The following PARP8 variants were observed in gnomAD, a reference collection of about 807,000 sequenced individuals.
The protein encoded by PARP8 is protein mono-ADP-ribosyltransferase PARP8.
In PARP8, 51 loss-of-function variants were observed where a neutral mutation model predicts 124.1. The ratio of observed to expected loss-of-function variants is 0.41; its 90% CI spans 0.33 to 0.52. The LOEUF (loss-of-function observed/expected upper bound fraction) is 0.52, where lower values mean the gene tolerates loss of function less well. Ranked by LOEUF, PARP8 falls within the 20% of genes least tolerant of loss-of-function variation. PARP8 has a pLI of 0.21. For synonymous variants in PARP8, 391 were observed against 361.5 expected (o/e 1.08, Z -0.93); for missense variants, 860 against 1,018.9 (o/e 0.84, Z 2.12).
At chr5:50,673,355 A>G (rs569470703) in intron 2 of PARP8, among the ~76,000 whole-genome samples, 41 of 152,314 alleles carry the variant, frequency 2.7e-4, no homozygotes, top group African/African-American at 9.4e-4. Flanking sequence ...AACTTTATTG[A>G]GTTTTTTTGT....
intron 2 of PARP8, among the ~76,000 whole-genome samples, chr5:50,701,440 TCAAA>T (rs1753582303): frequency 6.6e-6 from 1 of 152,138 alleles, no homozygotes; most frequent in Admixed American, 6.5e-5. Flanking sequence ...TTTTAATTCT[TCAAA>T]CAAAAAGAAA....
At chr5:50,778,479 A>C (rs1740286627) in intron 8 of PARP8, 81 bp from the exon 9 acceptor site, 1 of 1,247,200 alleles carries the variant, frequency 8.0e-7, no homozygotes, top group East Asian at 2.4e-5. Flanking sequence ...TGCGAACACA[A>C]GTTTTAAAAG....
At chr5:50,817,456 C>T (rs1236588535) in intron 15 of PARP8, among the ~76,000 whole-genome samples, 2 of 152,128 alleles carry the variant, frequency 1.3e-5, no homozygotes, top group African/African-American at 4.8e-5. Context: ...AAGAAACCAC[C>T]TCAGGATCTC....
At chr5:50,691,091 G>C (rs1429922370) in intron 2 of PARP8, among the ~76,000 whole-genome samples, 1 of 152,176 alleles carries the variant, frequency 6.6e-6, no homozygotes, top group Non-Finnish European at 1.5e-5. Flanking sequence ...TCTGGCTGAG[G>C]CCTGATACCG....
chr5:50,728,495 A>G (rs896443985), intron 2 of PARP8, among the ~76,000 whole-genome samples: 2 of 152,002 alleles, frequency 1.3e-5, no homozygotes, highest in African/African-American at 4.8e-5. Context: ...CAATCTGTCT[A>G]TTGTTATGGT....
At position 50,762,014 on chromosome 5, in the gene PARP8, C is replaced by G. The variant is rs866420755; in HGVS notation, c.423+116C>G. On this transcript the variant is annotated intron_variant, in intron 6 of 25. Coordinates refer to ENST00000281631, the MANE Select transcript of PARP8 (RefSeq NM_024615.4). The stretch of plus-strand genomic sequence containing the variant: ...CTGTGTGTTGTTCAGGGTTCTGTAA[C>G]TAACTAGAAAATCTATATAATTTAT... 14 of 511,722 alleles carry G rather than the reference C, an allele frequency of 2.7e-5. No homozygotes were observed. The Middle Eastern group carries it at 4.1e-3, about 149-fold the overall frequency. The allele number at this position is 511,722 out of a possible 1,614,324, so 31.7% of individuals were successfully genotyped here.
At chr5:50,796,806 A>G (rs1282750738) in intron 12 of PARP8, among the ~76,000 whole-genome samples, 176 bp from the exon 13 acceptor site, 1 of 152,174 alleles carries the variant, frequency 6.6e-6, no homozygotes, top group Non-Finnish European at 1.5e-5. Flanking sequence ...TAGAAAGGGT[A>G]TTTATAATAG....
chr5:50,794,234 G>T lies in PARP8; in HGVS notation c.765G>T (p.Gln255His), dbSNP rs201728056. The T allele has an allele frequency of 1.2e-6, 2 of 1,613,268 alleles. No homozygotes were observed. The highest frequency in any genetic ancestry group is 4.5e-5 in the East Asian group (2 of 44,766). The change falls in exon 11 of 26, where the codon CAG becomes CAT. Residue 255 changes from glutamine (Q) to histidine (H), a missense_variant. Physicochemically the swap from Gln to His is conservative, Grantham distance 24 (BLOSUM62 0). This residue lies in a region of PARP8 where 517 missense variants were observed against 544.2 expected (regional missense o/e 0.95). Coordinates refer to ENST00000281631, the MANE Select transcript of PARP8 (RefSeq NM_024615.4). ...TCATGCAGACATTTGTTACACAGCA[G>T]TGGAAACAGAGCAAAGAAAAATCCA... ...KKIMQTFVTQ[Q>H]WKQSKEKSNC... is the part of the protein sequence containing the mutation.
At chr5:50,817,286 A>G (rs1379846752) in intron 15 of PARP8, among the ~76,000 whole-genome samples, 1 of 152,256 alleles carries the variant, frequency 6.6e-6, no homozygotes, top group Non-Finnish European at 1.5e-5. Flanking sequence ...AGCTCAATTT[A>G]GTGATGTAAT....
intron 2 of PARP8, among the ~76,000 whole-genome samples, chr5:50,736,120 C>T (rs1355814418): frequency 6.6e-6 from 1 of 152,010 alleles, no homozygotes; most frequent in Non-Finnish European, 1.5e-5. Context: ...ACAATAACAA[C>T]AATCAATGAA....
intron 2 of PARP8, among the ~76,000 whole-genome samples, chr5:50,747,163 G>GTTTTTTTTTTTTTTTTTTT (rs1211253892): frequency 6.3e-5 from 6 of 95,502 alleles, no homozygotes; most frequent in Admixed American, 1.1e-4. Flanking sequence ...TGTTTGTTTT[G>GTTTTTTTTTTTTTTTTTTT]TTTTTTTTTT....
chr5:50,789,991 T>C (rs1167255345), intron 10 of PARP8, among the ~76,000 whole-genome samples: 1 of 152,198 alleles, frequency 6.6e-6, no homozygotes, highest in African/African-American at 2.4e-5. Flanking sequence ...ACATATATGA[T>C]ATCTAGGATT....
chr5:50,823,391 T>C (rs1192664056), intron 17 of PARP8, among the ~76,000 whole-genome samples: 1 of 152,256 alleles, frequency 6.6e-6, no homozygotes, highest in Non-Finnish European at 1.5e-5. Flanking sequence ...ACTCAATAAA[T>C]AGTGTGTGTC....
intron 2 of PARP8, among the ~76,000 whole-genome samples, chr5:50,673,044 C>A (rs1419600010): frequency 6.6e-6 from 1 of 152,142 alleles, no homozygotes; most frequent in Non-Finnish European, 1.5e-5. Context: ...TAACATATTT[C>A]TCTTGGCAAT....
At chr5:50,752,124 TA>T (rs879332684) in intron 3 of PARP8, among the ~76,000 whole-genome samples, 12 of 152,160 alleles carry the variant, frequency 7.9e-5, no homozygotes, top group Non-Finnish European at 1.2e-4. Flanking sequence ...AGCTTTTTTT[TA>T]AAAAAAATGA....
At chr5:50,759,620 A>ATTTTTT in intron 3 of PARP8, 23 bp from the exon 4 acceptor site, 2 of 1,111,316 alleles carry the variant, frequency 1.8e-6, no homozygotes, top group Non-Finnish European at 1.2e-6. Context: ...GCCTTTCATT[A>ATTTTTT]TCTTTTTTTT....
At chr5:50,771,241 C>T (rs1204584161) in intron 7 of PARP8, among the ~76,000 whole-genome samples, 1 of 152,022 alleles carries the variant, frequency 6.6e-6, no homozygotes, top group African/African-American at 2.4e-5. Flanking sequence ...CTCACTGCAA[C>T]CTCCACCTCC....
intron 2 of PARP8, among the ~76,000 whole-genome samples, chr5:50,686,316 A>G (rs1274586266): frequency 6.6e-6 from 1 of 152,192 alleles, no homozygotes; most frequent in Non-Finnish European, 1.5e-5. Context: ...CTTTGACTCC[A>G]TGTCTCACAT....
chr5:50,736,151 C>T (rs1295219266), intron 2 of PARP8, among the ~76,000 whole-genome samples: 1 of 152,026 alleles, frequency 6.6e-6, no homozygotes, highest in East Asian at 1.9e-4. Flanking sequence ...TCCCCCCACC[C>T]ACCGAAAGCA....
Sources: gnomAD v4.1 joint callset for allele counts (sites outside exome capture counted in the v4.1 genomes callset) on GRCh38, gnomAD v4.1.1 for gene constraint, gnomAD v4.1.1 regional missense constraint, MANE v1.5 for transcripts, NCBI Gene and HGNC (gene_info 2026-07-23, HGNC 2026-07-21) for gene names.